ODR4: variants seen among roughly 807,000 people sequenced by gnomAD.
ODR4 encodes protein odr-4 homolog.
ODR4 carries 47 observed loss-of-function variants against 60.2 expected under a neutral mutation model. That is an observed-to-expected ratio of 0.78 (90% confidence interval 0.62 to 1.00). The LOEUF is 1.00. ODR4 is among the 50% of genes least tolerant of loss of function. The pLI, the probability that ODR4 is intolerant of heterozygous loss-of-function variation, is 0.00. For missense variants in ODR4, 488 were observed against 530.8 expected (o/e 0.92, Z 0.79); for synonymous variants, 178 against 175.5 (o/e 1.01, Z -0.11).
At chr1:186,395,922 G>A (rs900265793) in intron 9 of ODR4, among the ~76,000 whole-genome samples, 4 of 152,000 alleles carry the variant, frequency 2.6e-5, no homozygotes, top group Middle Eastern at 6.8e-3. Flanking sequence ...TCCAACTCAG[G>A]GTTCTTCATA....
chr1:186,419,586 A>T lies in ODR4; in HGVS notation c.*510A>T, dbSNP rs1276888325. Reference sequence around the variant, plus strand: ...AAATTAGCTGGACATGGTGGCAATCAGCTCTAGTCCCAACTACTTGGAGGC... The same window carrying T: ...AAATTAGCTGGACATGGTGGCAATCTGCTCTAGTCCCAACTACTTGGAGGC... On this transcript the variant is annotated 3_prime_UTR_variant, in exon 14 of 14. Transcript: ENST00000287859. 6.4e-6 allele frequency: 1 copy of T among 155,832 alleles called. No homozygotes were observed. The highest frequency in any genetic ancestry group is 6.3e-5 in the Admixed American group (1 of 15,852). 9.7% of individuals were successfully genotyped at this position (155,832 alleles called of 1,614,324 possible).
chr1:186,404,980 A>G (rs1661118392), intron 11 of ODR4, among the ~76,000 whole-genome samples: 1 of 152,210 alleles, frequency 6.6e-6, no homozygotes, highest in Non-Finnish European at 1.5e-5. Flanking sequence ...ATATATTTAC[A>G]TGCAACAGTG....
chr1:186,408,512 A>G (rs1163474868), intron 12 of ODR4, among the ~76,000 whole-genome samples: 1 of 150,204 alleles, frequency 6.7e-6, no homozygotes, highest in Non-Finnish European at 1.5e-5. Flanking sequence ...CATATAAACA[A>G]TATATAATGT....
chr1:186,411,560 T>C (rs1025563437), intron 12 of ODR4, among the ~76,000 whole-genome samples: 1 of 151,998 alleles, frequency 6.6e-6, no homozygotes, highest in Admixed American at 6.5e-5. Flanking sequence ...ATTTTAATCC[T>C]CTTTCTTGGG....
Position 186,420,406 on chromosome 1 carries a change from A to G in ODR4, c.*1330A>G, listed in dbSNP as rs1661733430. The G allele has an allele frequency of 6.6e-6, 1 of 152,244 alleles. No individual in the cohort carries two copies. Among genetic ancestry groups the G allele is most frequent in the African/African-American group, 2.4e-5 (1 of 41,468 alleles). The allele number at this position is 152,244 out of a possible 1,614,324, so 9.4% of individuals were successfully genotyped here. A position where few individuals can be genotyped will look rare whatever the true frequency, so the allele number is the denominator to read the frequency against. ...CCTAATTTAGTTCCAAGATTCCTACAGATTATTATCAAGTAGTAGTATTTT... is the reference window on the plus strand; with the variant it reads ...CCTAATTTAGTTCCAAGATTCCTACGGATTATTATCAAGTAGTAGTATTTT... On this transcript the variant is annotated 3_prime_UTR_variant, in exon 14 of 14. Coordinates refer to ENST00000287859, the MANE Select transcript of ODR4 (RefSeq NM_017847.6).
Position 186,399,004 on chromosome 1 carries a change from A to G in ODR4, c.960A>G (p.Leu320=). ...CAGTTGCTGATCGTTGTGAAATGCT[A>G]TTTGAGGATCTGCTTTTGAATGAAA... is the stretch of plus-strand genomic sequence containing the variant. ...LNTVADRCEM[L]FEDLLLNEIP... Residue 320 remains leucine (L), a synonymous_variant, in exon 11 of 14, where the codon CTA becomes CTG. Transcript: ENST00000287859. 6.2e-7 allele frequency: 1 copy of G among 1,613,056 alleles called. No individual in the cohort carries two copies.
the ODR4 span, among the ~76,000 whole-genome samples, chr1:186,427,489 AATTC>A: frequency 6.9e-6 from 1 of 145,688 alleles, no homozygotes; most frequent in Non-Finnish European, 1.5e-5. Context: ...CTCCACTTCT[AATTC>A]TAGTTCTTTT....
chr1:186,389,358 A>G (rs1169892884), intron 5 of ODR4, among the ~76,000 whole-genome samples: 1 of 152,122 alleles, frequency 6.6e-6, no homozygotes, highest in Non-Finnish European at 1.5e-5. Context: ...GTAGGAAATG[A>G]TTTTCAAGCA....
intron 12 of ODR4, among the ~76,000 whole-genome samples, chr1:186,408,730 T>A (rs1661264804): frequency 1.3e-5 from 2 of 151,290 alleles, no homozygotes; most frequent in African/African-American, 4.8e-5. Flanking sequence ...TTTTTTGAAT[T>A]ATTTGTCACA....
chr1:186,401,348 A>G (rs1244506811), intron 11 of ODR4: 1 of 539,370 alleles, frequency 1.9e-6, no homozygotes, highest in East Asian at 3.6e-5. Flanking sequence ...ACCTGTGTGA[A>G]GAGCATAGAC....
intron 10 of ODR4, among the ~76,000 whole-genome samples, 153 bp from the exon 11 acceptor site, chr1:186,398,801 G>T (rs1167449642): frequency 2.0e-5 from 3 of 152,142 alleles, no homozygotes; most frequent in Admixed American, 2.0e-4. Context: ...TAATAAGTGT[G>T]CTAAATAAGT....
At chr1:186,409,553 G>T (rs1661295302) in intron 12 of ODR4, among the ~76,000 whole-genome samples, 1 of 152,158 alleles carries the variant, frequency 6.6e-6, no homozygotes, top group African/African-American at 2.4e-5. Context: ...ATTTTTGTTT[G>T]TTTGTTTTTT....
intron 11 of ODR4, chr1:186,400,778 C>T: frequency 9.3e-6 from 3 of 321,404 alleles, no homozygotes; most frequent in Non-Finnish European, 1.7e-5. Flanking sequence ...TAATTCACAA[C>T]CCTAAAGTTC....
At chr1:186,381,021 T>C (rs1659999132) in intron 2 of ODR4, among the ~76,000 whole-genome samples, 1 of 152,242 alleles carries the variant, frequency 6.6e-6, no homozygotes, top group South Asian at 2.1e-4. Context: ...TTCAACCAGG[T>C]AGCACCACTC....
At chr1:186,406,348 T>A in intron 12 of ODR4, 80 bp downstream of exon 12, 1 of 1,089,580 alleles carries the variant, frequency 9.2e-7, no homozygotes. Context: ...TTAAATATCA[T>A]GTCTTTAGAT....
chr1:186,378,165 C>T (rs1021901794), intron 1 of ODR4, among the ~76,000 whole-genome samples: 3 of 152,148 alleles, frequency 2.0e-5, no homozygotes, highest in Non-Finnish European at 2.9e-5. Flanking sequence ...TGAATCCATT[C>T]TCTGGGCTTT....
At chr1:186,411,808 CAGTCT>C in intron 12 of ODR4, 1 of 925,002 alleles carries the variant, frequency 1.1e-6, no homozygotes, top group Non-Finnish European at 1.3e-6. Context: ...TTTATGCTGA[CAGTCT>C]AGTATAGAGA....
chr1:186,422,159 T>A (rs1041163119), downstream of ODR4, among the ~76,000 whole-genome samples: 4 of 151,934 alleles, frequency 2.6e-5, no homozygotes, highest in African/African-American at 9.7e-5. Flanking sequence ...AAATTTTTTT[T>A]AAATGAAGTA....
At chr1:186,413,117 G>T (rs1661434502) in intron 12 of ODR4, among the ~76,000 whole-genome samples, 1 of 151,978 alleles carries the variant, frequency 6.6e-6, no homozygotes, top group Admixed American at 6.6e-5. Flanking sequence ...ATTAGAGGTT[G>T]AATATCCCTA....
Sources: allele counts gnomAD v4.1 joint callset (sites outside exome capture counted in the v4.1 genomes callset), GRCh38; gene constraint gnomAD v4.1.1; transcripts MANE v1.5; gene names NCBI Gene and HGNC (gene_info 2026-07-23, HGNC 2026-07-21).